Variants in DPYS observed in about 807,000 individuals in gnomAD.
DPYS encodes the protein dihydropyrimidine amidohydrolase.
In DPYS, 39 loss-of-function variants were observed where a neutral mutation model predicts 50.3. The observed-to-expected ratio is 0.78, with a 90% confidence interval of 0.60 to 1.01. The LOEUF is 1.01. Among genes scored for constraint, DPYS ranks in the 50% least tolerant of loss-of-function variants. The probability of loss-of-function intolerance (pLI) is 0.00; values close to 1 mark genes in which losing one functional copy is unlikely to be tolerated. For synonymous variants in DPYS, 245 were observed against 250.7 expected (o/e 0.98, Z 0.22); for missense variants, 659 against 680.9 (o/e 0.97, Z 0.36).
chr8:104,402,390 C>A (rs1811849805), intron 7 of DPYS, among the ~76,000 whole-genome samples: 1 of 152,164 alleles, frequency 6.6e-6, no homozygotes, highest in Non-Finnish European at 1.5e-5. Context: ...ATCAGCCAAG[C>A]TAGCATGATA....
rs572619396 is a variant in DPYS, at chr8:104,419,091, C to T, written c.1235+5156G>A. ...GGGCACTTAAAGAAAATAAGACCAG[C>T]GAGACAGTTCTTCCTCCTCTCCTTG... On this transcript the variant is annotated intron_variant, in intron 7 of 9. Coordinates refer to ENST00000351513, the MANE Select transcript of DPYS (RefSeq NM_001385.3). 5.5e-4 allele frequency: 538 copies of T among 984,478 alleles called. 1 individual carries two copies. The highest frequency in any genetic ancestry group is 1.0e-3 in the Middle Eastern group (2 of 1,934). 61.0% of individuals were successfully genotyped at this position (984,478 alleles called of 1,614,324 possible). A position where few individuals can be genotyped will look rare whatever the true frequency, so the allele number is the denominator to read the frequency against.
intron 1 of DPYS, among the ~76,000 whole-genome samples, chr8:104,457,581 A>T (rs1295392856): frequency 6.6e-6 from 1 of 152,132 alleles, no homozygotes; most frequent in Non-Finnish European, 1.5e-5. Flanking sequence ...ACTTTGTTTC[A>T]CTAAAATCCA....
At chr8:104,451,505 G>T (rs543859837) in intron 1 of DPYS, 101 bp from the exon 2 acceptor site, 2 of 1,465,106 alleles carry the variant, frequency 1.4e-6, no homozygotes, top group Non-Finnish European at 1.9e-6. Flanking sequence ...GGGCAAACTC[G>T]ATGGGTCCAG....
chr8:104,426,733 A>T (rs1382199544), intron 6 of DPYS, among the ~76,000 whole-genome samples: 1 of 152,238 alleles, frequency 6.6e-6, no homozygotes, highest in South Asian at 2.1e-4. Context: ...ACAGCTCCAC[A>T]TGTCAACTGG....
intron 7 of DPYS, among the ~76,000 whole-genome samples, chr8:104,404,926 G>A (rs1811943379): frequency 6.6e-6 from 1 of 152,042 alleles, no homozygotes; most frequent in African/African-American, 2.4e-5. Context: ...AATATCTCTA[G>A]TGGCAAAAAC....
intron 8 of DPYS, among the ~76,000 whole-genome samples, chr8:104,382,681 G>GTAAGTATA (rs775677252): frequency 1.3e-5 from 2 of 151,880 alleles, no homozygotes; most frequent in Non-Finnish European, 2.9e-5. Flanking sequence ...CATAATTAAC[G>GTAAGTATA]TAAGTATAAT....
intron 1 of DPYS, among the ~76,000 whole-genome samples, chr8:104,451,999 TCTCCCA>T (rs1309285835): frequency 1.3e-5 from 2 of 152,168 alleles, no homozygotes; most frequent in Non-Finnish European, 2.9e-5. Flanking sequence ...TTGATCTTCA[TCTCCCA>T]CTCCCTCCAA....
chr8:104,466,929 G>A lies in DPYS; in HGVS notation c.-9C>T. 7 of 1,470,288 alleles carry A rather than the reference G, an allele frequency of 4.8e-6. No individual in the cohort carries two copies. The highest frequency in any genetic ancestry group is 6.3e-6 in the Non-Finnish European group (7 of 1,117,844). 91.1% of individuals were successfully genotyped at this position (1,470,288 alleles called of 1,614,324 possible). On this transcript the variant is annotated 5_prime_UTR_variant, in exon 1 of 10. Coordinates refer to ENST00000351513, the MANE Select transcript of DPYS (RefSeq NM_001385.3). ...CGCGAGGGCGCCGCCATAGCGAGGG[G>A]CGCGCGGGGTCCTACTCGGCCCGGG...
chr8:104,416,831 C>A (rs542043651), intron 7 of DPYS, among the ~76,000 whole-genome samples: 1 of 152,090 alleles, frequency 6.6e-6, no homozygotes, highest in Non-Finnish European at 1.5e-5. Flanking sequence ...TCACTCTTTG[C>A]CAAAGGGTAC....
At position 104,418,453 on chromosome 8, in the gene DPYS, T is replaced by C. The variant is rs148144679; in HGVS notation, c.1235+5794A>G. Among the ~76,000 whole-genome samples the C allele has an allele frequency of 6.6e-3, 1,005 of 152,318 alleles. 18 individuals carry two copies. The highest frequency in any genetic ancestry group is 0.023 in the African/African-American group (965 of 41,566). On this transcript the variant is annotated intron_variant, in intron 7 of 9. Coordinates refer to ENST00000351513, the MANE Select transcript of DPYS (RefSeq NM_001385.3). ...AGAAGAAAAAAAAACCGTATAGATATATTCATTTATTCATTTGATTAAATA... is the reference window on the plus strand; with the variant it reads ...AGAAGAAAAAAAAACCGTATAGATACATTCATTTATTCATTTGATTAAATA...
intron 4 of DPYS, among the ~76,000 whole-genome samples, chr8:104,438,504 CT>C (rs951707533): frequency 6.6e-6 from 1 of 152,158 alleles, no homozygotes. Flanking sequence ...TTGGAAATTG[CT>C]TCTCTGAGAG....
chr8:104,416,698 G>T (rs1021035702), intron 7 of DPYS, among the ~76,000 whole-genome samples: 1 of 152,214 alleles, frequency 6.6e-6, no homozygotes, highest in Non-Finnish European at 1.5e-5. Flanking sequence ...TTGAGGAAGA[G>T]GAGGAGGATT....
Position 104,424,105 on chromosome 8 carries a change from T to C in DPYS, c.1235+142A>G. On this transcript the variant is annotated intron_variant, in intron 7 of 9. Transcript: ENST00000351513. The stretch of plus-strand genomic sequence containing the variant: ...TATTTGCACATCAAAACCTTTATCT[T>C]GTGTACAGGATCAAAATACCTGAGC... 1.9e-6 allele frequency: 3 copies of C among 1,555,966 alleles called. No homozygotes were observed. In the South Asian group the frequency reaches 3.6e-5, roughly 18 times the overall value.
chr8:104,381,403 T>A, intron 8 of DPYS, 89 bp from the exon 9 acceptor site: 2 of 1,196,382 alleles, frequency 1.7e-6, no homozygotes, highest in Non-Finnish European at 2.5e-6. Flanking sequence ...GCGAGAGCTT[T>A]AAAAAAAGAA....
At chr8:104,448,969 G>T (rs1225794207) in intron 2 of DPYS, among the ~76,000 whole-genome samples, 2 of 152,152 alleles carry the variant, frequency 1.3e-5, no homozygotes, top group Admixed American at 6.6e-5. Flanking sequence ...AAGGGGCCTT[G>T]TAAGGCTTGT....
chr8:104,381,583 C>T (rs535849347), intron 8 of DPYS, among the ~76,000 whole-genome samples: 6 of 152,222 alleles, frequency 3.9e-5, no homozygotes, highest in African/African-American at 1.2e-4. Context: ...TTCTGAGTCC[C>T]ACAACTGTCT....
intron 1 of DPYS, among the ~76,000 whole-genome samples, chr8:104,460,348 T>C (rs1282608480): frequency 6.6e-6 from 1 of 152,082 alleles, no homozygotes; most frequent in Admixed American, 6.5e-5. Flanking sequence ...GATCTGGTTG[T>C]TTAAAAGGGT....
intron 7 of DPYS, among the ~76,000 whole-genome samples, chr8:104,406,794 C>A (rs148105469): frequency 6.6e-6 from 1 of 152,118 alleles, no homozygotes; most frequent in Non-Finnish European, 1.5e-5. Flanking sequence ...TATCTATGCA[C>A]GTATATATGC....
At chr8:104,390,989 A>G (rs1239669889) in intron 8 of DPYS, among the ~76,000 whole-genome samples, 2 of 152,168 alleles carry the variant, frequency 1.3e-5, no homozygotes, top group Non-Finnish European at 2.9e-5. Context: ...CTTGTCACCC[A>G]TTAATGTTAA....
Sources: allele counts gnomAD v4.1 joint callset (sites outside exome capture counted in the v4.1 genomes callset), GRCh38; gene constraint gnomAD v4.1.1; transcripts MANE v1.5; gene names NCBI Gene and HGNC (gene_info 2026-07-23, HGNC 2026-07-21).